Variants in METTL13 observed in about 807,000 individuals in gnomAD.
METTL13 encodes the protein methyltransferase 13, eEF1A N-terminus and K55.
A neutral mutation model predicts 67.4 loss-of-function variants in METTL13; 52 were observed. The ratio of observed to expected loss-of-function variants is 0.77; its 90% CI spans 0.62 to 0.97. The LOEUF (loss-of-function observed/expected upper bound fraction) is 0.97. METTL13 is among the 50% of genes least tolerant of loss of function. The pLI, the probability that METTL13 is intolerant of heterozygous loss-of-function variation, is 0.00. For synonymous variants in METTL13, 354 were observed against 353.6 expected, an observed-to-expected ratio of 1.00 and a Z score of -0.01; for missense variants, 825 against 889.6, an observed-to-expected ratio of 0.93 and a Z score of 0.92.
In METTL13 at chr1:171,783,887, T is replaced by C. The variant is rs200075252; in HGVS notation, c.301T>C (p.Leu101=). Residue 101 remains leucine (L), a synonymous_variant, in exon 2 of 8, where the codon TTG becomes CTG. Transcript: ENST00000361735. ...CACCCGACGGCCCCAGATGAGCTTC[T>C]TGAAGATGGACATGACGCAGATGGA... The part of the protein sequence containing the change: ...NATRRPQMSF[L]KMDMTQMEFP... 2 of 1,614,096 alleles carry C rather than the reference T, an allele frequency of 1.2e-6. No homozygotes were observed. The highest frequency in any genetic ancestry group is 1.7e-6 in the Non-Finnish European group (2 of 1,180,050).
rs1439940360 is a variant in METTL13 at position 171,781,824 on chromosome 1, G to C, written c.-144G>C. ...AGGGTCATTCCTGGGGTTTGGAGTGGGGGAACAAATCAATGTGGCTGTTTT... is the reference window on the plus strand; with the variant it reads ...AGGGTCATTCCTGGGGTTTGGAGTGCGGGAACAAATCAATGTGGCTGTTTT... On this transcript the variant is annotated 5_prime_UTR_variant, in exon 1 of 8. Transcript: ENST00000361735. 6.8e-7 allele frequency: 1 copy of C among 1,480,276 alleles called. No individual in the cohort carries two copies. The highest frequency in any genetic ancestry group is 9.0e-7 in the Non-Finnish European group (1 of 1,116,716). The allele number at this position is 1,480,276 out of a possible 1,614,324, so 91.7% of individuals were successfully genotyped here.
rs773102210 is a variant in METTL13 at position 171,790,572 on chromosome 1, T to C, written c.1430T>C (p.Met477Thr). 17 of 1,603,298 alleles carry C rather than the reference T, an allele frequency of 1.1e-5. No homozygotes were observed. Among genetic ancestry groups the C allele is most frequent in the Non-Finnish European group, 1.4e-5 (17 of 1,176,258 alleles). Residue 477 changes from methionine to threonine, a missense_variant, in exon 5 of 8, where the codon ATG becomes ACG. By Grantham distance (81) the Met-to-Thr change is moderately conservative. Coordinates refer to ENST00000361735, the MANE Select transcript of METTL13 (RefSeq NM_015935.5). Reference protein sequence around the residue: ...SYLCCEHHKAMIAGLALLRNP... With the variant: ...SYLCCEHHKATIAGLALLRNP... ...CTGTGTTGTGAACACCACAAAGCCATGATCGCTGGCCTTGCCCTGCTGAGA... is the reference window on the plus strand; with the variant it reads ...CTGTGTTGTGAACACCACAAAGCCACGATCGCTGGCCTTGCCCTGCTGAGA...
chr1:171,783,034 A>G (rs1656878112), intron 1 of METTL13, among the ~76,000 whole-genome samples: 1 of 149,514 alleles, frequency 6.7e-6, no homozygotes, highest in Non-Finnish European at 1.5e-5. Flanking sequence ...CATTTTACAG[A>G]TGAGGAAACT....
rs2029870575 is a variant in METTL13 at position 171,797,617 on chromosome 1, G to C, written c.*861G>C. ...ACTGTCTCATTTAATCTGAGATAAA[G>C]GATACTTAAGCCCAAACTATATCTA... On this transcript the variant is annotated 3_prime_UTR_variant, in exon 8 of 8. Transcript: ENST00000361735. 1 of 152,168 alleles carries C rather than the reference G, an allele frequency of 6.6e-6. No homozygotes were observed. The highest frequency in any genetic ancestry group is 2.1e-4 in the South Asian group (1 of 4,830). The allele number at this position is 152,168 out of a possible 1,614,324, so 9.4% of individuals were successfully genotyped here. A position where few individuals can be genotyped will look rare whatever the true frequency, so the allele number is the denominator to read the frequency against.
At position 171,785,845 on chromosome 1, in the gene METTL13, C is replaced by A. The variant is rs545927278; in HGVS notation, c.914-34C>A. The A allele has an allele frequency of 1.5e-5, 24 of 1,605,102 alleles. No individual in the cohort carries two copies. The Admixed American group carries it at 2.7e-4, about 18-fold the overall frequency. On this transcript the variant is annotated intron_variant, in intron 2 of 7. Coordinates refer to ENST00000361735, the MANE Select transcript of METTL13 (RefSeq NM_015935.5). ...TATTGGTTGTGGGCTTGATCACTTTCCAGGACTCCCTGTAACCAAGTTCTT... is the reference window on the plus strand; with the variant it reads ...TATTGGTTGTGGGCTTGATCACTTTACAGGACTCCCTGTAACCAAGTTCTT...
chr1:171,785,294 T>TA (rs949074926), intron 2 of METTL13, among the ~76,000 whole-genome samples: 3 of 152,188 alleles, frequency 2.0e-5, no homozygotes, highest in African/African-American at 7.2e-5. Context: ...GTCTTGGTGT[T>TA]ACGGTAATTT....
At position 171,787,810 on chromosome 1, in the gene METTL13, G is replaced by A. The variant is rs994612616; in HGVS notation, c.1189G>A (p.Asp397Asn). 1.2e-6 allele frequency: 2 copies of A among 1,614,060 alleles called. No individual in the cohort carries two copies. The highest frequency in any genetic ancestry group is 1.7e-6 in the Non-Finnish European group (2 of 1,180,050). Residue 397 changes from aspartate (D) to asparagine (N), a missense_variant, in exon 4 of 8, where the codon GAC becomes AAC. Transcript: ENST00000361735. ...CCAAGACTGCAGCCCCTTGAGCGGT[G>A]ACTATGTCATTGAGGATGTGCAAGG... is the stretch of plus-strand genomic sequence containing the variant. ...QHQDCSPLSGDYVIEDVQGDD... is the reference protein window; with the variant it reads ...QHQDCSPLSGNYVIEDVQGDD...
intron 1 of METTL13, among the ~76,000 whole-genome samples, chr1:171,782,377 C>A (rs1377764350): frequency 1.3e-5 from 2 of 151,526 alleles, no homozygotes; most frequent in Non-Finnish European, 2.9e-5. Context: ...TAAAGACCAG[C>A]CTGGGGAACA....
In METTL13 at chr1:171,784,423, G is replaced by A; in HGVS notation, c.837G>A (p.Glu279=). The change falls in exon 2 of 8, where the codon GAG becomes GAA. Residue 279 remains glutamate, a synonymous_variant. Coordinates refer to ENST00000361735, the MANE Select transcript of METTL13 (RefSeq NM_015935.5). ...SLDLCDGDTG[E]PRYTLHVVDS... is the part of the protein sequence containing the mutation. The stretch of plus-strand genomic sequence containing the variant: ...ACTTGTGCGATGGGGACACGGGGGA[G>A]CCACGCTACACCCTCCACGTGGTGG... 1 of 1,537,808 alleles carries A rather than the reference G, an allele frequency of 6.5e-7. No individual in the cohort carries two copies. Among genetic ancestry groups the A allele is most frequent in the South Asian group, 1.3e-5 (1 of 77,650 alleles).
At position 171,796,559 on chromosome 1, in the gene METTL13, C is replaced by T. The variant is rs767654844; in HGVS notation, c.1903C>T (p.Pro635Ser). Residue 635 changes from proline to serine, a missense_variant, in exon 8 of 8, where the codon CCC (proline) becomes TCC (serine). Transcript: ENST00000361735. ...SVLAGLKAVFPLLYVRRIEGE... is the reference protein window; with the variant it reads ...SVLAGLKAVFSLLYVRRIEGE... Reference sequence around the variant, plus strand: ...GCTGGCTGGGCTCAAGGCAGTGTTCCCCCTCCTATATGTCCGGCGAATTGA... The same window carrying T: ...GCTGGCTGGGCTCAAGGCAGTGTTCTCCCTCCTATATGTCCGGCGAATTGA... 4 of 1,614,136 alleles carry T rather than the reference C, an allele frequency of 2.5e-6. No individual in the cohort carries two copies. Among genetic ancestry groups the T allele is most frequent in the Non-Finnish European group, 3.4e-6 (4 of 1,180,036 alleles).
At chr1:171,789,567 G>T (rs1449404038) in intron 4 of METTL13, among the ~76,000 whole-genome samples, 2 of 152,144 alleles carry the variant, frequency 1.3e-5, no homozygotes, top group Non-Finnish European at 2.9e-5. Context: ...CATGTGCCAA[G>T]AATTGGAATG....
chr1:171,791,505 A>T (rs1181080516), intron 5 of METTL13, among the ~76,000 whole-genome samples: 1 of 151,800 alleles, frequency 6.6e-6, no homozygotes, highest in Non-Finnish European at 1.5e-5. Context: ...TGAGACAGGG[A>T]TTTACTCTTG....
In METTL13 at chr1:171,784,218, A is replaced by T. The variant is rs768046418; in HGVS notation, c.632A>T (p.Lys211Met). 1.9e-6 allele frequency: 3 copies of T among 1,614,068 alleles called. No homozygotes were observed. Among genetic ancestry groups the T allele is most frequent in the Non-Finnish European group, 2.5e-6 (3 of 1,180,044 alleles). ...SLPVFAFIMT[K>M]FRPVPGSALQ... ...CCTGTCTTTGCCTTCATCATGACCA[A>T]GTTCAGGCCAGTCCCTGGCTCTGCC... Residue 211 changes from lysine (K) to methionine (M), a missense_variant, in exon 2 of 8, where the codon AAG (lysine) becomes ATG (methionine). Lys to Met is a moderately conservative substitution (Grantham distance 95, BLOSUM62 -1). Transcript: ENST00000361735.
In METTL13 at chr1:171,785,998, GA is replaced by G. The variant is rs765793424; in HGVS notation, c.1036del (p.Ser346AlafsTer49). On this transcript the variant is annotated frameshift_variant, in exon 3 of 8. Transcript: ENST00000361735. LOFTEE classifies it high-confidence loss of function. ...TVALHRGQQYESMDHIQAELS... is the reference protein window; with the variant it reads ...TVALHRGQQYXSMDHIQAELS... ...GGCCCTTCACCGAGGTCAGCAGTATGAAAGCATGGACCACATCCAAGCTGAG... is the reference window on the plus strand; with the variant it reads ...GGCCCTTCACCGAGGTCAGCAGTATGAAGCATGGACCACATCCAAGCTGAG... 6.2e-7 allele frequency: 1 copy of G among 1,614,018 alleles called. No individual in the cohort carries two copies. Among genetic ancestry groups the G allele is most frequent in the East Asian group, 2.2e-5 (1 of 44,884 alleles).
rs139335641 is a variant in METTL13 at position 171,796,488 on chromosome 1, T to C, written c.1832T>C (p.Phe611Ser). 3.1e-4 allele frequency: 502 copies of C among 1,614,070 alleles called. 4 individuals are homozygous for C. Among genetic ancestry groups the C allele is most frequent in the Non-Finnish European group, 2.6e-5 (31 of 1,180,030 alleles). ...VKSILTPEGV[F>S]ILNLVCRDLG... is the part of the protein sequence containing the mutation. ...TTTTCTTCCTACCCTATAGGTGTTT[T>C]TATTCTCAACCTTGTGTGCCGAGAC... is the stretch of plus-strand genomic sequence containing the variant. Residue 611 changes from phenylalanine to serine, a missense_variant, in exon 8 of 8, where the codon TTT (phenylalanine) becomes TCT (serine). Transcript: ENST00000361735.
At position 171,782,042 on chromosome 1, in the gene METTL13, A is replaced by T; in HGVS notation, c.75A>T (p.Gly25=). The change falls in exon 1 of 8, where the codon GGA becomes GGT. Residue 25 remains glycine, a synonymous_variant. Transcript: ENST00000361735. ...GGGAGAAGTTCTTCCAGCAGCGAGGAAAGAAAGCTTTCGAGTGGTATGGAA... is the reference window on the plus strand; with the variant it reads ...GGGAGAAGTTCTTCCAGCAGCGAGGTAAGAAAGCTTTCGAGTGGTATGGAA... The part of the protein sequence containing the change: ...DYWEKFFQQR[G]KKAFEWYGTY... The T allele has an allele frequency of 6.2e-7, 1 of 1,614,114 alleles. No individual in the cohort carries two copies. The highest frequency in any genetic ancestry group is 8.5e-7 in the Non-Finnish European group (1 of 1,180,036).
Position 171,781,822 on chromosome 1 carries a change from T to C in METTL13, c.-146T>C. The C allele has an allele frequency of 6.8e-7, 1 of 1,474,488 alleles. No individual in the cohort carries two copies. The highest frequency in any genetic ancestry group is 9.0e-7 in the Non-Finnish European group (1 of 1,113,672). The allele number at this position is 1,474,488 out of a possible 1,614,324, so 91.3% of individuals were successfully genotyped here. On this transcript the variant is annotated 5_prime_UTR_variant, in exon 1 of 8. Transcript: ENST00000361735. ...TAAGGGTCATTCCTGGGGTTTGGAGTGGGGGAACAAATCAATGTGGCTGTT... is the reference window on the plus strand; with the variant it reads ...TAAGGGTCATTCCTGGGGTTTGGAGCGGGGGAACAAATCAATGTGGCTGTT...
rs994359495 is a variant in METTL13 at position 171,782,257 on chromosome 1, C to T, written c.153+137C>T. 10 of 774,402 alleles carry T rather than the reference C, an allele frequency of 1.3e-5. No individual in the cohort carries two copies. The African/African-American group carries it at 1.7e-4, about 13-fold the overall frequency. The allele number at this position is 774,402 out of a possible 1,614,324, so 48.0% of individuals were successfully genotyped here. A position where few individuals can be genotyped will look rare whatever the true frequency, so the allele number is the denominator to read the frequency against. On this transcript the variant is annotated intron_variant, in intron 1 of 7. Coordinates refer to ENST00000361735, the MANE Select transcript of METTL13 (RefSeq NM_015935.5). ...ATATTTCAGCATTTCCTGCATTGTT[C>T]CTGCTAAAAGACAAACTAGAATATT...
chr1:171,784,452 G>C lies in METTL13; in HGVS notation c.866G>C (p.Ser289Thr). 1 of 1,510,786 alleles carries C rather than the reference G, an allele frequency of 6.6e-7. No individual in the cohort carries two copies. Among genetic ancestry groups the C allele is most frequent in the Non-Finnish European group, 8.8e-7 (1 of 1,130,422 alleles). The allele number at this position is 1,510,786 out of a possible 1,614,324, so 93.6% of individuals were successfully genotyped here. A position where few individuals can be genotyped will look rare whatever the true frequency, so the allele number is the denominator to read the frequency against. ...EPRYTLHVVD[S>T]PTVKPSRDNH... ...CGCTACACCCTCCACGTGGTGGACA[G>C]CCCCACTGTGAAACCATCGCGGGAC... The change falls in exon 2 of 8, where the codon AGC becomes ACC. Residue 289 changes from serine to threonine, a missense_variant. By Grantham distance (58) the Ser-to-Thr change is moderately conservative (BLOSUM62 1). Transcript: ENST00000361735.
Sources: gnomAD v4.1 joint callset for allele counts (sites outside exome capture counted in the v4.1 genomes callset) on GRCh38, gnomAD v4.1.1 for gene constraint, MANE v1.5 for transcripts, NCBI Gene and HGNC (gene_info 2026-07-23, HGNC 2026-07-21) for gene names.